Variants in PTPRD observed in about 807,000 individuals in gnomAD.
PTPRD encodes receptor-type tyrosine-protein phosphatase delta.
A neutral mutation model predicts 214.5 loss-of-function variants in PTPRD; 34 were observed. That is an observed-to-expected ratio of 0.16 (90% CI 0.12 to 0.21). The LOEUF (loss-of-function observed/expected upper bound fraction) is 0.21. Among genes scored for constraint, PTPRD ranks in the 10% least tolerant of loss-of-function variants. The pLI is 1.00. For synonymous variants in PTPRD, 1,128 were observed against 845.7 expected, an observed-to-expected ratio of 1.33 and a Z score of -5.79; for missense variants, 2,545 against 2,398.7, an observed-to-expected ratio of 1.06 and a Z score of -1.27.
chr9:9,701,673 G>A (rs992389489), intron 7 of PTPRD, among the ~76,000 whole-genome samples: 1 of 152,134 alleles, frequency 6.6e-6, no homozygotes, highest in Admixed American at 6.5e-5. Context: ...AAATTCATTA[G>A]ATGTGAAATA....
chr9:9,277,829 T>TA (rs565054112), intron 9 of PTPRD, among the ~76,000 whole-genome samples: 2 of 151,414 alleles, frequency 1.3e-5, no homozygotes, highest in Non-Finnish European at 3.0e-5. Flanking sequence ...TTATAAATGA[T>TA]ATGGAAATGG....
chr9:8,682,571 C>G (rs1405973890), intron 12 of PTPRD, among the ~76,000 whole-genome samples: 2 of 152,016 alleles, frequency 1.3e-5, no homozygotes, highest in Non-Finnish European at 2.9e-5. Context: ...AATTAACACC[C>G]TTTTTTCCCT....
chr9:8,903,243 A>G (rs2098684701), intron 11 of PTPRD, among the ~76,000 whole-genome samples: 1 of 151,954 alleles, frequency 6.6e-6, no homozygotes, highest in Non-Finnish European at 1.5e-5. Context: ...TGGGATATGA[A>G]TCATCTCATC....
chr9:8,638,902 G>C (rs969003284), intron 12 of PTPRD, among the ~76,000 whole-genome samples: 3 of 151,946 alleles, frequency 2.0e-5, no homozygotes, highest in Non-Finnish European at 4.4e-5. Context: ...GAGTGCAGTG[G>C]CACAATCTCG....
intron 2 of PTPRD, among the ~76,000 whole-genome samples, chr9:10,472,259 A>G (rs1242802280): frequency 6.6e-6 from 1 of 152,126 alleles, no homozygotes; most frequent in Non-Finnish European, 1.5e-5. Context: ...CTCTTTTTCA[A>G]GACTTCCTAA....
At chr9:8,824,776 T>C (rs747983622) in intron 11 of PTPRD, among the ~76,000 whole-genome samples, 79 of 152,264 alleles carry the variant, frequency 5.2e-4, no homozygotes, top group South Asian at 1.7e-3. Flanking sequence ...AGATCACTGG[T>C]TGGTTCACAG....
intron 4 of PTPRD, among the ~76,000 whole-genome samples, chr9:9,953,586 C>G (rs997116498): frequency 2.0e-5 from 3 of 151,800 alleles, no homozygotes; most frequent in African/African-American, 7.3e-5. Context: ...GATAAGCTAC[C>G]ATAACATTAA....
intron 11 of PTPRD, among the ~76,000 whole-genome samples, chr9:8,983,077 CT>C (rs1229275778): frequency 6.6e-6 from 1 of 151,798 alleles, no homozygotes; most frequent in Non-Finnish European, 1.5e-5. Context: ...TACACTTTTT[CT>C]TTTTTTCATA....
At chr9:9,942,254 G>A (rs2091653346) in intron 4 of PTPRD, among the ~76,000 whole-genome samples, 2 of 151,954 alleles carry the variant, frequency 1.3e-5, no homozygotes, top group Admixed American at 1.3e-4. Flanking sequence ...AAAATTCAAT[G>A]ATTTACCAAT....
chr9:9,947,365 A>ATATATATATTATATATAT (rs2092759959), intron 4 of PTPRD, among the ~76,000 whole-genome samples: 1 of 40,738 alleles, frequency 2.5e-5, no homozygotes, highest in African/African-American at 1.1e-4. Context: ...TATATATATT[A>ATATATATATTATATATAT]TATATATATT....
intron 25 of PTPRD, 115 bp from the exon 26 acceptor site, chr9:8,497,383 T>G: frequency 1.2e-6 from 1 of 813,314 alleles, no homozygotes; most frequent in East Asian, 3.1e-5. Context: ...AATAAAGCAG[T>G]GTGTACAATA....
At chr9:8,752,797 G>A (rs1006716207) in intron 11 of PTPRD, among the ~76,000 whole-genome samples, 20 of 152,004 alleles carry the variant, frequency 1.3e-4, no homozygotes, top group African/African-American at 4.4e-4. Context: ...CATCTAAGCT[G>A]GGCCACCAAC....
intron 38 of PTPRD, among the ~76,000 whole-genome samples, 184 bp from the exon 39 acceptor site, chr9:8,376,274 C>T (rs779808028): frequency 1.6e-4 from 25 of 151,988 alleles, no homozygotes; most frequent in Non-Finnish European, 2.8e-4. Context: ...CAAATATTTG[C>T]GCAGGAAGAC....
At chr9:10,412,217 A>G (rs1216082292) in intron 2 of PTPRD, among the ~76,000 whole-genome samples, 1 of 151,814 alleles carries the variant, frequency 6.6e-6, no homozygotes, top group Non-Finnish European at 1.5e-5. Flanking sequence ...CATAATTAGA[A>G]ATGAAAAAAG....
At chr9:9,967,614 T>A (rs537290103) in intron 4 of PTPRD, among the ~76,000 whole-genome samples, 1 of 152,280 alleles carries the variant, frequency 6.6e-6, no homozygotes, top group African/African-American at 2.4e-5. Context: ...TTCATAGGGT[T>A]TAAGAGACTT....
At chr9:9,471,349 G>C (rs1433615687) in intron 8 of PTPRD, among the ~76,000 whole-genome samples, 1 of 152,072 alleles carries the variant, frequency 6.6e-6, no homozygotes, top group Non-Finnish European at 1.5e-5. Flanking sequence ...AGTGACAATA[G>C]CAATAGGAGA....
chr9:9,924,314 G>A (rs990429167), intron 5 of PTPRD, among the ~76,000 whole-genome samples: 1 of 151,962 alleles, frequency 6.6e-6, no homozygotes, highest in Non-Finnish European at 1.5e-5. Context: ...AAAAGGACCA[G>A]ATACACGAGC....
At chr9:9,883,267 A>C (rs2069469763) in intron 5 of PTPRD, among the ~76,000 whole-genome samples, 1 of 152,168 alleles carries the variant, frequency 6.6e-6, no homozygotes, top group Non-Finnish European at 1.5e-5. Flanking sequence ...TGCTGCAAAC[A>C]TCTCAACACA....
chr9:9,163,412 C>T (rs2099894394), intron 10 of PTPRD, among the ~76,000 whole-genome samples: 1 of 151,960 alleles, frequency 6.6e-6, no homozygotes. Flanking sequence ...ACCATCTACC[C>T]AGGACACCTC....
Sources: allele counts gnomAD v4.1 joint callset (sites outside exome capture counted in the v4.1 genomes callset), GRCh38; gene constraint gnomAD v4.1.1; transcripts MANE v1.5; gene names NCBI Gene and HGNC (gene_info 2026-07-23, HGNC 2026-07-21).